Variants in ESRRG observed in about 807,000 individuals in gnomAD.
ESRRG encodes the protein estrogen-related receptor gamma.
Under a neutral mutation model 44.0 loss-of-function variants are expected in ESRRG, and 13 were observed. The observed-to-expected ratio is 0.30, with a 90% CI of 0.19 to 0.47. The LOEUF is 0.47. Ranked by LOEUF, ESRRG falls within the 20% of genes least tolerant of loss-of-function variation. The pLI is 1.00. For synonymous variants in ESRRG, 215 were observed against 214.6 expected (o/e 1.00, Z -0.02); for missense variants, 395 against 580.6 (o/e 0.68, Z 3.29).
At chr1:217,047,663 A>G (rs1291300524) in intron 1 of ESRRG, among the ~76,000 whole-genome samples, 1 of 152,180 alleles carries the variant, frequency 6.6e-6, no homozygotes, top group African/African-American at 2.4e-5. Flanking sequence ...GGCCATGATG[A>G]TCATTGTTCC....
chr1:216,760,044 C>T lies in ESRRG; in HGVS notation c.-13-82553G>A, dbSNP rs144640504. Among the ~76,000 whole-genome samples, 482 of 152,126 alleles carry T rather than the reference C, an allele frequency of 3.2e-3. 1 individual carries two copies. Among genetic ancestry groups the T allele is most frequent in the African/African-American group, 0.01 (426 of 41,530 alleles). On this transcript the variant is annotated intron_variant, in intron 2 of 7. Transcript: ENST00000359162. The stretch of plus-strand genomic sequence containing the variant: ...TAAGTGTCCCTCTGATTGGTTTCCA[C>T]GGCATCCAGGATTTTCCCACATCCT...
chr1:216,630,470 ACACAC>A lies in ESRRG; in HGVS notation c.589+20498_589+20502del. On this transcript the variant is annotated intron_variant, in intron 3 of 6. Coordinates refer to ENST00000408911, the MANE Select transcript of ESRRG (RefSeq NM_001438.4). ...AACACACACACACACACACACACAC[ACACAC>A]AATTAAATCTTATAGGAAAAGGCGT... Among the ~76,000 whole-genome samples, 2 of 150,546 alleles carry A rather than the reference ACACAC, an allele frequency of 1.3e-5. 1 individual carries two copies. The highest frequency in any genetic ancestry group is 5.0e-5 in the African/African-American group (2 of 40,366).
chr1:216,542,752 C>G (rs141647799), intron 5 of ESRRG, among the ~76,000 whole-genome samples: 2 of 152,098 alleles, frequency 1.3e-5, no homozygotes, highest in Non-Finnish European at 2.9e-5. Context: ...TTTTTCTTCT[C>G]TCTACCTATT....
rs376466865 is a variant in ESRRG at position 216,670,898 on chromosome 1, G to C, written c.472+6178C>G. Among the ~76,000 whole-genome samples, 10 of 152,290 alleles carry C rather than the reference G, an allele frequency of 6.6e-5. No individual in the cohort carries two copies. The East Asian group carries it at 7.7e-4, about 12-fold the overall frequency. The stretch of plus-strand genomic sequence containing the variant: ...CAGAAAATTGTTCCTTGGAGTCAAA[G>C]ACTGACCAATAAAAAGTCAGTCTCC... On this transcript the variant is annotated intron_variant, in intron 2 of 6. Coordinates refer to ENST00000408911, the MANE Select transcript of ESRRG (RefSeq NM_001438.4).
intron 2 of ESRRG, among the ~76,000 whole-genome samples, chr1:216,894,894 C>T (rs531105368): frequency 6.6e-6 from 1 of 152,076 alleles, no homozygotes; most frequent in Non-Finnish European, 1.5e-5. Context: ...GATTCCTCCC[C>T]CATCCACGTT....
intron 1 of ESRRG, among the ~76,000 whole-genome samples, chr1:216,964,153 G>A (rs1157757411): frequency 6.6e-6 from 1 of 152,110 alleles, no homozygotes; most frequent in Admixed American, 6.6e-5. Context: ...AGGTGGGTAG[G>A]GCCAAGTTAA....
At chr1:216,962,370 A>G (rs944745281) in intron 1 of ESRRG, among the ~76,000 whole-genome samples, 8 of 152,152 alleles carry the variant, frequency 5.3e-5, no homozygotes, top group African/African-American at 1.9e-4. Flanking sequence ...CTTCATTCCA[A>G]GAAGACAGGG....
intron 1 of ESRRG, among the ~76,000 whole-genome samples, chr1:217,019,749 CATCCCCAGGTGGGAACGGCTCTGTCTT>C (rs2079999080): frequency 6.6e-6 from 1 of 152,184 alleles, no homozygotes; most frequent in Non-Finnish European, 1.5e-5. Context: ...AGAGCAGAGT[CATCCCCAGGTGGGAACGGCTCTGTCTT>C]ATCTTATTCA....
At chr1:216,760,824 G>A (rs182788320) in intron 2 of ESRRG, among the ~76,000 whole-genome samples, 42 of 152,142 alleles carry the variant, frequency 2.8e-4, no homozygotes, top group African/African-American at 8.4e-4. Flanking sequence ...GTCATTGATC[G>A]TTAGCTGATA....
At chr1:216,911,646 C>A (rs1468924954) in intron 2 of ESRRG, among the ~76,000 whole-genome samples, 1 of 152,042 alleles carries the variant, frequency 6.6e-6, no homozygotes, top group Non-Finnish European at 1.5e-5. Flanking sequence ...AAATGTACCA[C>A]TCTGGTAGGG....
chr1:216,827,527 G>A (rs1051744723), intron 2 of ESRRG, among the ~76,000 whole-genome samples: 10 of 152,118 alleles, frequency 6.6e-5, no homozygotes. Context: ...TATGACCTAT[G>A]TCTTCGTATG....
intron 2 of ESRRG, among the ~76,000 whole-genome samples, chr1:216,777,983 T>C (rs537190965): frequency 1.5e-4 from 23 of 152,228 alleles, no homozygotes; most frequent in African/African-American, 5.5e-4. Flanking sequence ...CTATCACTGC[T>C]AATGATCAGA....
Position 216,525,793 on chromosome 1 carries a change from C to G in ESRRG, c.863-6372G>C, listed in dbSNP as rs1190025343. ...AAAGAAAAAGGATCTATGCTTGAAT[C>G]TGACTTGCTTTACCAATGTACTGGT... On this transcript the variant is annotated intron_variant, in intron 5 of 6. Transcript: ENST00000408911. 3.3e-5 allele frequency among the ~76,000 whole-genome samples: 5 copies of G among 152,154 alleles called. No homozygotes were observed. The East Asian group carries it at 9.7e-4, about 29-fold the overall frequency.
intron 2 of ESRRG, among the ~76,000 whole-genome samples, chr1:216,765,244 A>G (rs1342100632): frequency 1.3e-5 from 2 of 152,104 alleles, no homozygotes; most frequent in Non-Finnish European, 2.9e-5. Flanking sequence ...AGAAAACATC[A>G]CAAATAAAAC....
At position 216,506,700 on chromosome 1, in the gene ESRRG, T is replaced by A; in HGVS notation, c.*239A>T. 3 of 594,938 alleles carry A rather than the reference T, an allele frequency of 5.0e-6. No homozygotes were observed. Among genetic ancestry groups the A allele is most frequent in the Non-Finnish European group, 3.0e-6 (1 of 330,646 alleles). The allele number at this position is 594,938 out of a possible 1,614,324, so 36.9% of individuals were successfully genotyped here. On this transcript the variant is annotated 3_prime_UTR_variant, in exon 7 of 7. Coordinates refer to ENST00000408911, the MANE Select transcript of ESRRG (RefSeq NM_001438.4). Reference sequence around the variant, plus strand: ...GGTGAAAGAAGAAAAGGAGAAAAAATAAAGAGAAAGAGAAATGTGGGAAGA... The same window carrying A: ...GGTGAAAGAAGAAAAGGAGAAAAAAAAAAGAGAAAGAGAAATGTGGGAAGA...
Position 217,027,728 on chromosome 1 carries a change from G to A in ESRRG, c.-106+61779C>T, listed in dbSNP as rs551417939. On this transcript the variant is annotated intron_variant, in intron 1 of 7. Transcript: ENST00000359162. ...CAGATCAGAAGGAAGGTGGAACACAGGAGGTAAAGCTTGGGTTCCTAGTTT... is the reference window on the plus strand; with the variant it reads ...CAGATCAGAAGGAAGGTGGAACACAAGAGGTAAAGCTTGGGTTCCTAGTTT... Among the ~76,000 whole-genome samples the A allele has an allele frequency of 6.6e-5, 10 of 152,268 alleles. No homozygotes were observed. In the East Asian group the frequency reaches 1.9e-3, roughly 29 times the overall value.
chr1:216,790,675 AG>A (rs2094291700), intron 2 of ESRRG, among the ~76,000 whole-genome samples: 1 of 152,174 alleles, frequency 6.6e-6, no homozygotes, highest in Non-Finnish European at 1.5e-5. Flanking sequence ...ATCTGGTAGA[AG>A]GGTAATAGGA....
intron 2 of ESRRG, among the ~76,000 whole-genome samples, chr1:216,777,034 T>G (rs1002684938): frequency 6.6e-6 from 1 of 152,128 alleles, no homozygotes; most frequent in South Asian, 2.1e-4. Context: ...TCTATCAGTG[T>G]TCTGGATTTA....
chr1:216,864,516 T>C (rs967194213), intron 2 of ESRRG: 1 of 152,010 alleles, frequency 6.6e-6, no homozygotes, highest in African/African-American at 2.4e-5. Context: ...ACTTCTGCTG[T>C]AGTGCTTCAC....
Sources: gnomAD v4.1 joint callset for allele counts (sites outside exome capture counted in the v4.1 genomes callset) on GRCh38, gnomAD v4.1.1 for gene constraint, MANE v1.5 for transcripts, NCBI Gene and HGNC (gene_info 2026-07-23, HGNC 2026-07-21) for gene names.